Variants in TIMM21 observed in about 807,000 individuals in gnomAD.
The protein encoded by TIMM21 is translocase of inner mitochondrial membrane 21.
TIMM21 carries 30 observed loss-of-function variants against 27.7 expected under a neutral mutation model. The observed-to-expected ratio is 1.08, with a 90% CI of 0.81 to 1.47. The LOEUF (loss-of-function observed/expected upper bound fraction) is 1.47, where lower values mean the gene tolerates loss of function less well. TIMM21 is among the 40% of genes most tolerant of loss of function. The pLI is 0.00. For synonymous variants in TIMM21, 121 were observed against 114.4 expected, an observed-to-expected ratio of 1.06 and a Z score of -0.37; for missense variants, 292 against 302.9, an observed-to-expected ratio of 0.96 and a Z score of 0.27.
intron 1 of TIMM21, among the ~76,000 whole-genome samples, chr18:74,151,769 G>C (rs1979806727): frequency 6.6e-6 from 1 of 152,138 alleles, no homozygotes; most frequent in East Asian, 1.9e-4. Flanking sequence ...GACCATCACT[G>C]TCTCGAAGTT....
chr18:74,158,096 G>C lies in TIMM21; in HGVS notation c.536+9G>C, dbSNP rs781636505. The C allele has an allele frequency of 1.2e-6, 2 of 1,614,018 alleles. No individual in the cohort carries two copies. The highest frequency in any genetic ancestry group is 1.7e-6 in the Non-Finnish European group (2 of 1,179,990). ...CGCCGGCAGCATGTCAGGTACTGTGGCTTGAATTCAGAGGAGGCTCTGGGG... is the reference window on the plus strand; with the variant it reads ...CGCCGGCAGCATGTCAGGTACTGTGCCTTGAATTCAGAGGAGGCTCTGGGG... On this transcript the variant is annotated intron_variant, in intron 4 of 5. Transcript: ENST00000169551.
intron 3 of TIMM21, chr18:74,157,275 A>C (rs1477095399): frequency 6.6e-6 from 1 of 152,170 alleles, no homozygotes; most frequent in Non-Finnish European, 1.5e-5. Flanking sequence ...TAACTTTAAA[A>C]ATTTTTTGAT....
At position 74,155,341 on chromosome 18, in the gene TIMM21, T is replaced by C; in HGVS notation, c.400T>C (p.Ser134Pro). 1 of 1,613,640 alleles carries C rather than the reference T, an allele frequency of 6.2e-7. No homozygotes were observed. Among genetic ancestry groups the C allele is most frequent in the East Asian group, 2.2e-5 (1 of 44,884 alleles). Residue 134 changes from serine (S) to proline (P), a missense_variant, in exon 3 of 6, where the codon TCT (serine) becomes CCT (proline). Ser to Pro is a moderately conservative substitution (Grantham distance 74, BLOSUM62 -1). Transcript: ENST00000169551. ...TTACACGATTTTCAAAGAACTTTTT[T>C]CTTCATCCAGTCCTAGCAAGATATA... is the stretch of plus-strand genomic sequence containing the variant. The part of the protein sequence containing the change: ...LFYTIFKELF[S>P]SSSPSKIYGR...
intron 1 of TIMM21, among the ~76,000 whole-genome samples, chr18:74,151,937 TCC>T (rs535525190): frequency 7.4e-5 from 7 of 94,246 alleles, no homozygotes; most frequent in Admixed American, 1.2e-4. Flanking sequence ...GTGTCTATGT[TCC>T]CCCCCCCCCC....
intron 1 of TIMM21, among the ~76,000 whole-genome samples, chr18:74,151,486 C>T (rs1404179777): frequency 1.3e-5 from 2 of 152,146 alleles, no homozygotes; most frequent in Non-Finnish European, 2.9e-5. Flanking sequence ...GATGGTTGCA[C>T]CCACCTTGGC....
chr18:74,149,213 A>G (rs1054998375), intron 1 of TIMM21, 104 bp downstream of exon 1: 5 of 1,318,526 alleles, frequency 3.8e-6, no homozygotes, highest in African/African-American at 1.5e-5. Context: ...AGCAATTCAC[A>G]TGAATTTTTA....
At chr18:74,157,980 TAAC>T (rs773550319) in intron 3 of TIMM21, 31 bp from the exon 4 acceptor site, 1 of 1,602,910 alleles carries the variant, frequency 6.2e-7, no homozygotes, top group South Asian at 1.1e-5. Context: ...CTTAAAAAAA[TAAC>T]ACAAAATAAA....
At chr18:74,156,362 G>A (rs781728267) in intron 3 of TIMM21, 6 of 391,572 alleles carry the variant, frequency 1.5e-5, no homozygotes, top group East Asian at 3.6e-5. Flanking sequence ...CTGGGGCCCC[G>A]GCTCTGAATG....
At chr18:74,154,966 G>C (rs965510409) in intron 1 of TIMM21, 179 bp from the exon 2 acceptor site, 2 of 619,564 alleles carry the variant, frequency 3.2e-6, no homozygotes, top group African/African-American at 1.8e-5. Context: ...GCCCTGCTCT[G>C]AGAATTCTGC....
intron 1 of TIMM21, among the ~76,000 whole-genome samples, chr18:74,149,740 C>A (rs1430320611): frequency 6.6e-6 from 1 of 152,130 alleles, no homozygotes; most frequent in Non-Finnish European, 1.5e-5. Context: ...GCTGACTATG[C>A]CAAAAACCTA....
intron 3 of TIMM21, chr18:74,157,680 C>T: frequency 4.7e-6 from 1 of 213,574 alleles, no homozygotes; most frequent in Non-Finnish European, 9.4e-6. Context: ...ACTGCAGCCT[C>T]TGCCTACTGG....
Position 74,158,519 on chromosome 18 carries a change from C to G in TIMM21, c.*39C>G, listed in dbSNP as rs527780276. On this transcript the variant is annotated 3_prime_UTR_variant, in exon 6 of 6. Transcript: ENST00000169551. ...ATGGATGTTGAATGGCGTGGACTCG[C>G]TACTCCGTTCTTCACAGCTGCCTTC... 3 of 1,253,226 alleles carry G rather than the reference C, an allele frequency of 2.4e-6. No homozygotes were observed. Among genetic ancestry groups the G allele is most frequent in the Admixed American group, 1.9e-5 (1 of 51,832 alleles). 77.6% of individuals were successfully genotyped at this position (1,253,226 alleles called of 1,614,324 possible).
Position 74,148,572 on chromosome 18 carries a change from A to T in TIMM21, c.-237A>T. The T allele has an allele frequency of 2.3e-6, 1 of 427,480 alleles. No individual in the cohort carries two copies. The highest frequency in any genetic ancestry group is 4.2e-6 in the Non-Finnish European group (1 of 236,410). 26.5% of individuals were successfully genotyped at this position (427,480 alleles called of 1,614,324 possible). On this transcript the variant is annotated 5_prime_UTR_variant, in exon 1 of 6. The change creates a new upstream start codon in the 5' untranslated region. Coordinates refer to ENST00000169551, the MANE Select transcript of TIMM21 (RefSeq NM_014177.3). ...GGGACACTGTGAATGTCAGCCCAGA[A>T]GGTGATCAGAGCCTGTTAATTAAAA...
At chr18:74,153,647 T>G (rs1979870209) in intron 1 of TIMM21, among the ~76,000 whole-genome samples, 2 of 152,236 alleles carry the variant, frequency 1.3e-5, no homozygotes, top group African/African-American at 4.8e-5. Context: ...TTTTGGCAGA[T>G]GAGGTCTTTT....
At chr18:74,154,496 C>T (rs902129863) in intron 1 of TIMM21, among the ~76,000 whole-genome samples, 4 of 151,924 alleles carry the variant, frequency 2.6e-5, no homozygotes, top group East Asian at 3.9e-4. Context: ...CTCCTGACCT[C>T]GTGATCCGCC....
chr18:74,157,190 ATAG>A (rs1979973242), intron 3 of TIMM21: 1 of 152,238 alleles, frequency 6.6e-6, no homozygotes, highest in East Asian at 1.9e-4. Context: ...CTCATTAGAA[ATAG>A]TAGATTCACA....
intron 3 of TIMM21, chr18:74,157,158 AT>A (rs954124927): frequency 6.6e-6 from 1 of 152,180 alleles, no homozygotes; most frequent in Non-Finnish European, 1.5e-5. Context: ...TAAAAACTAC[AT>A]TTCTACTTCA....
Position 74,158,573 on chromosome 18 carries a change from G to A in TIMM21, c.*93G>A. 1 of 769,770 alleles carries A rather than the reference G, an allele frequency of 1.3e-6. No individual in the cohort carries two copies. Among genetic ancestry groups the A allele is most frequent in the Non-Finnish European group, 2.2e-6 (1 of 455,442 alleles). 47.7% of individuals were successfully genotyped at this position (769,770 alleles called of 1,614,324 possible). ...AATGTGTTCAAAAGAAAGACAAGAA[G>A]GAGTGTATGGCTTATAAAGTGAATC... On this transcript the variant is annotated 3_prime_UTR_variant, in exon 6 of 6. Coordinates refer to ENST00000169551, the MANE Select transcript of TIMM21 (RefSeq NM_014177.3).
chr18:74,148,961 G>T lies in TIMM21; in HGVS notation c.153G>T (p.Thr51=), dbSNP rs1199070579. ...LRCGLQYQKK[T]LRPRCILGVT... is the part of the protein sequence containing the mutation. ...GTGGGCTTCAATATCAAAAGAAAAC[G>T]CTGCGACCTAGATGTATTCTTGGAG... The change falls in exon 1 of 6, where the codon ACG becomes ACT. Residue 51 remains threonine, a synonymous_variant. Coordinates refer to ENST00000169551, the MANE Select transcript of TIMM21 (RefSeq NM_014177.3). 1 of 1,614,018 alleles carries T rather than the reference G, an allele frequency of 6.2e-7. No homozygotes were observed. Among genetic ancestry groups the T allele is most frequent in the African/African-American group, 1.3e-5 (1 of 74,906 alleles).
Sources: gnomAD v4.1 joint callset for allele counts (sites outside exome capture counted in the v4.1 genomes callset) on GRCh38, gnomAD v4.1.1 for gene constraint, MANE v1.5 for transcripts, NCBI Gene and HGNC (gene_info 2026-07-23, HGNC 2026-07-21) for gene names.